Variants in FBXO25 observed in about 807,000 individuals in gnomAD.
FBXO25 encodes F-box protein 25.
FBXO25 carries 45 observed loss-of-function variants against 51.9 expected under a neutral mutation model. The observed-to-expected ratio is 0.87, with a 90% CI of 0.68 to 1.11. The LOEUF (loss-of-function observed/expected upper bound fraction) is 1.11. Ranked by LOEUF, FBXO25 falls within the 50% of genes most tolerant of loss-of-function variation. The probability of loss-of-function intolerance (pLI) is 0.00; values close to 1 mark genes in which losing one functional copy is unlikely to be tolerated. For synonymous variants in FBXO25, 199 were observed against 151.0 expected (o/e 1.32, Z -2.33); for missense variants, 507 against 428.5 (o/e 1.18, Z -1.62).
In FBXO25 at chr8:468,948, G is replaced by A; in HGVS notation, c.*144G>A. On this transcript the variant is annotated 3_prime_UTR_variant, in exon 10 of 10. Coordinates refer to ENST00000350302, the MANE Select transcript of FBXO25 (RefSeq NM_183420.2). Reference sequence around the variant, plus strand: ...GGGAAGAACTGCCCTTCTGCAAAGGGGGGACTGCATGGTTGCATTTTCATC... The same window carrying A: ...GGGAAGAACTGCCCTTCTGCAAAGGAGGGACTGCATGGTTGCATTTTCATC... 1 of 676,418 alleles carries A rather than the reference G, an allele frequency of 1.5e-6. No homozygotes were observed. The highest frequency in any genetic ancestry group is 2.4e-6 in the Non-Finnish European group (1 of 412,054). The allele number at this position is 676,418 out of a possible 1,614,324, so 41.9% of individuals were successfully genotyped here.
At chr8:434,330 G>C (rs772351312) in intron 4 of FBXO25, among the ~76,000 whole-genome samples, 40 of 152,142 alleles carry the variant, frequency 2.6e-4, no homozygotes, top group Non-Finnish European at 5.0e-4. Context: ...TAAGATGGGT[G>C]GTGACCTTGG....
chr8:455,529 C>T (rs986340610), intron 7 of FBXO25, among the ~76,000 whole-genome samples: 2 of 152,092 alleles, frequency 1.3e-5, no homozygotes, highest in African/African-American at 2.4e-5. Flanking sequence ...AGACTGGGCT[C>T]GAGGCTGGAC....
At chr8:426,722 C>G (rs1462934285) in intron 2 of FBXO25, among the ~76,000 whole-genome samples, 3 of 151,296 alleles carry the variant, frequency 2.0e-5, no homozygotes, top group Non-Finnish European at 4.4e-5. Context: ...TTTAAGACGG[C>G]GTTTCCCTTC....
chr8:447,842 G>T (rs541161402), intron 5 of FBXO25, among the ~76,000 whole-genome samples: 52 of 152,250 alleles, frequency 3.4e-4, no homozygotes, highest in African/African-American at 1.2e-3. Flanking sequence ...CCAGAGTTTG[G>T]AGGATTCTGG....
intron 2 of FBXO25, among the ~76,000 whole-genome samples, chr8:414,363 G>T (rs1298400782): frequency 6.6e-6 from 1 of 152,058 alleles, no homozygotes; most frequent in Admixed American, 6.6e-5. Context: ...AAAATTTAAA[G>T]ATGGTTGACT....
chr8:430,522 G>A (rs907507968), intron 2 of FBXO25, among the ~76,000 whole-genome samples: 6 of 151,924 alleles, frequency 3.9e-5, no homozygotes, highest in East Asian at 1.9e-4. Flanking sequence ...AACGATGACC[G>A]GCAAATAAGC....
At chr8:467,221 G>A (rs1323282469) in intron 9 of FBXO25, among the ~76,000 whole-genome samples, 1 of 152,200 alleles carries the variant, frequency 6.6e-6, no homozygotes, top group Non-Finnish European at 1.5e-5. Context: ...TCACTGGCCT[G>A]GAGGAACAAG....
Position 475,338 on chromosome 8 carries a change from A to C in FBXO25, c.*6534A>C. On this transcript the variant is annotated 3_prime_UTR_variant, in exon 10 of 10. Coordinates refer to ENST00000350302, the MANE Select transcript of FBXO25 (RefSeq NM_183420.2). ...GTTTCAATACAACACCATTTTGATT[A>C]TTGTAGCTTTGTCGTAAGTTATGAA... 1 of 161,316 alleles carries C rather than the reference A, an allele frequency of 6.2e-6. No homozygotes were observed. Among genetic ancestry groups the C allele is most frequent in the South Asian group, 1.8e-4 (1 of 5,706 alleles). The allele number at this position is 161,316 out of a possible 1,614,324, so 10.0% of individuals were successfully genotyped here. A position where few individuals can be genotyped will look rare whatever the true frequency, so the allele number is the denominator to read the frequency against.
chr8:420,754 A>T (rs1563066050), intron 2 of FBXO25, among the ~76,000 whole-genome samples: 1 of 152,342 alleles, frequency 6.6e-6, no homozygotes, highest in East Asian at 1.9e-4. Context: ...AGACGAACAA[A>T]TCAGTGGTTG....
At chr8:410,646 C>G (rs397832632) in intron 1 of FBXO25, among the ~76,000 whole-genome samples, 1 of 152,120 alleles carries the variant, frequency 6.6e-6, no homozygotes, top group Non-Finnish European at 1.5e-5. Context: ...CTATTAGAGA[C>G]AGTTTTAGAT....
At chr8:439,381 T>A (rs1271952542) in intron 5 of FBXO25, among the ~76,000 whole-genome samples, 1 of 152,180 alleles carries the variant, frequency 6.6e-6, no homozygotes, top group Non-Finnish European at 1.5e-5. Flanking sequence ...TATAAAAATG[T>A]TAAATATGCT....
chr8:421,956 T>C (rs559063156), intron 2 of FBXO25, among the ~76,000 whole-genome samples: 10 of 152,346 alleles, frequency 6.6e-5, no homozygotes, highest in Admixed American at 5.2e-4. Context: ...TAGGCTGATA[T>C]GAATACATAA....
rs183716836 is a variant in FBXO25 at position 413,021 on chromosome 8, G to C, written c.-7-52G>C. On this transcript the variant is annotated intron_variant, in intron 1 of 9. Coordinates refer to ENST00000350302, the MANE Select transcript of FBXO25 (RefSeq NM_183420.2). ...AATTAATAAATGTTCTAAGTGAAAA[G>C]AAACTTTTATGAATTATATATACTT... 19 of 1,279,338 alleles carry C rather than the reference G, an allele frequency of 1.5e-5. No homozygotes were observed. The African/African-American group carries it at 1.8e-4, about 12-fold the overall frequency. 79.2% of individuals were successfully genotyped at this position (1,279,338 alleles called of 1,614,324 possible).
At chr8:423,556 T>C (rs1232200602) in intron 2 of FBXO25, among the ~76,000 whole-genome samples, 1 of 152,220 alleles carries the variant, frequency 6.6e-6, no homozygotes, top group Non-Finnish European at 1.5e-5. Context: ...TTTGGTTTTC[T>C]GTTCCTGCAT....
rs955850300 is a variant in FBXO25, at chr8:476,494, T to C, written c.*7690T>C. 1.3e-5 allele frequency: 2 copies of C among 152,158 alleles called. No individual in the cohort carries two copies. Among genetic ancestry groups the C allele is most frequent in the East Asian group, 3.8e-4 (2 of 5,196 alleles). 9.4% of individuals were successfully genotyped at this position (152,158 alleles called of 1,614,324 possible). A position where few individuals can be genotyped will look rare whatever the true frequency, so the allele number is the denominator to read the frequency against. On this transcript the variant is annotated 3_prime_UTR_variant, in exon 10 of 10. Coordinates refer to ENST00000350302, the MANE Select transcript of FBXO25 (RefSeq NM_183420.2). ...TTCCCATATGACCCTGGGCTTTTCT[T>C]TCTTGGGAGGCTTTTCTTTACTACT...
chr8:458,151 C>T (rs531496928), intron 7 of FBXO25, among the ~76,000 whole-genome samples: 2 of 152,354 alleles, frequency 1.3e-5, no homozygotes, highest in African/African-American at 4.8e-5. Context: ...CAGGAACAGC[C>T]TGGTTCTGTC....
intron 1 of FBXO25, among the ~76,000 whole-genome samples, chr8:410,638 A>G (rs1796430965): frequency 6.6e-6 from 1 of 152,190 alleles, no homozygotes; most frequent in East Asian, 1.9e-4. Context: ...GCTGTATGCT[A>G]TTAGAGACAG....
intron 7 of FBXO25, among the ~76,000 whole-genome samples, chr8:457,883 C>T (rs1384938743): frequency 6.6e-6 from 1 of 152,240 alleles, no homozygotes; most frequent in African/African-American, 2.4e-5. Context: ...CAACCTCCCT[C>T]ATCACTGGGG....
At chr8:434,270 G>A (rs866035158) in intron 4 of FBXO25, among the ~76,000 whole-genome samples, 6 of 152,126 alleles carry the variant, frequency 3.9e-5, no homozygotes, top group Non-Finnish European at 7.3e-5. Context: ...TTCTAGGTCC[G>A]CACATGCTCT....
Sources: allele counts gnomAD v4.1 joint callset (sites outside exome capture counted in the v4.1 genomes callset), GRCh38; gene constraint gnomAD v4.1.1; transcripts MANE v1.5; gene names NCBI Gene and HGNC (gene_info 2026-07-23, HGNC 2026-07-21).